ATP9B: variants seen among roughly 807,000 people sequenced by gnomAD.
ATP9B encodes the protein ATPase phospholipid transporting 9B, also known as probable phospholipid-transporting ATPase IIB.
Under a neutral mutation model 146.1 loss-of-function variants are expected in ATP9B, and 110 were observed. That is an observed-to-expected ratio of 0.75 (90% CI 0.65 to 0.88). The LOEUF (loss-of-function observed/expected upper bound fraction) is 0.88, where lower values mean the gene tolerates loss of function less well. Among genes scored for constraint, ATP9B ranks in the 40% least tolerant of loss-of-function variants. ATP9B has a pLI of 0.00. For synonymous variants in ATP9B, 604 were observed against 569.7 expected (o/e 1.06, Z -0.86); for missense variants, 1,499 against 1,496.4 (o/e 1.00, Z -0.03).
chr18:79,344,450 G>A, intron 21 of ATP9B, 96 bp downstream of exon 21: 2 of 1,055,928 alleles, frequency 1.9e-6, no homozygotes, highest in Non-Finnish European at 2.9e-6. Context: ...GGCAAGGCTG[G>A]ACCCTGAGTG....
chr18:79,246,693 T>TCGCGCTCCCCCTGCTGGCCGCGCCC (rs1334792731), intron 11 of ATP9B, among the ~76,000 whole-genome samples: 6 of 152,210 alleles, frequency 3.9e-5, no homozygotes, highest in Non-Finnish European at 1.5e-5. Flanking sequence ...CGCGCCGGCC[T>TCGCGCTCCCCCTGCTGGCCGCGCCC]CGCGCTCCCC....
At position 79,096,531 on chromosome 18, in the gene ATP9B, G is replaced by A. The variant is rs1192118031; in HGVS notation, c.175G>A (p.Glu59Lys). The A allele has an allele frequency of 6.2e-7, 1 of 1,614,060 alleles. No individual in the cohort carries two copies. The change falls in exon 2 of 30, where the codon GAA becomes AAA. Residue 59 changes from glutamate to lysine, a missense_variant. Coordinates refer to ENST00000426216, the MANE Select transcript of ATP9B (RefSeq NM_198531.5). ...HLDEMPLMMSEEGFENEESDY... is the reference protein window; with the variant it reads ...HLDEMPLMMSKEGFENEESDY... ...GGATGAAATGCCACTAATGATGTCT[G>A]AAGAAGGCTTTGAGAATGAGGAAAG...
At chr18:79,248,371 A>G (rs1045799958) in intron 11 of ATP9B, among the ~76,000 whole-genome samples, 8 of 152,154 alleles carry the variant, frequency 5.3e-5, no homozygotes, top group Non-Finnish European at 1.2e-4. Context: ...AAAATTACTT[A>G]TTTTTTTCTT....
intron 11 of ATP9B, among the ~76,000 whole-genome samples, chr18:79,230,162 A>G (rs964064960): frequency 6.6e-6 from 1 of 152,232 alleles, no homozygotes; most frequent in Non-Finnish European, 1.5e-5. Flanking sequence ...TAACACCGTA[A>G]TATTAGTTTT....
chr18:79,335,908 C>T (rs2147232829), intron 17 of ATP9B, among the ~76,000 whole-genome samples: 1 of 152,280 alleles, frequency 6.6e-6, no homozygotes, highest in African/African-American at 2.4e-5. Flanking sequence ...GGTTTCCGGC[C>T]CAGCCACCTG....
intron 9 of ATP9B, among the ~76,000 whole-genome samples, chr18:79,195,675 G>A (rs1002628498): frequency 3.3e-5 from 5 of 152,148 alleles, no homozygotes; most frequent in Non-Finnish European, 7.4e-5. Context: ...ACAGGATAAC[G>A]TGAATGAGAA....
At chr18:79,373,033 A>G in intron 27 of ATP9B, 151 bp downstream of exon 27, 1 of 548,758 alleles carries the variant, frequency 1.8e-6, no homozygotes. Context: ...GTAAATCAAT[A>G]TTCCAGCAAC....
chr18:79,083,949 C>T lies in ATP9B; in HGVS notation c.120-12527C>T, dbSNP rs538510830. ...GCCATCTTGGCTCACTGCAGCCTCTCCTGGCTTCAAGCGACTCCCCTACCT... is the reference window on the plus strand; with the variant it reads ...GCCATCTTGGCTCACTGCAGCCTCTTCTGGCTTCAAGCGACTCCCCTACCT... On this transcript the variant is annotated intron_variant, in intron 1 of 29. Coordinates refer to ENST00000426216, the MANE Select transcript of ATP9B (RefSeq NM_198531.5). 1.3e-4 allele frequency among the ~76,000 whole-genome samples: 20 copies of T among 151,042 alleles called. No individual in the cohort carries two copies. The East Asian group carries it at 3.5e-3, about 27-fold the overall frequency.
rs1270092670 is a variant in ATP9B, at chr18:79,307,134, A to G, written c.1673A>G (p.Tyr558Cys). The change falls in exon 15 of 30, where the codon TAT (tyrosine) becomes TGT (cysteine). Residue 558 changes from tyrosine (Y) to cysteine (C), a missense_variant. Tyr to Cys is a radical substitution (Grantham distance 194). Coordinates refer to ENST00000426216, the MANE Select transcript of ATP9B (RefSeq NM_198531.5). ...CTGTGTCACAACGTGACCCCCGTGT[A>G]TGAGTCTCGGGCCGGCGTTACTGAG... ...IVLCHNVTPV[Y>C]ESRAGVTEET... 3.7e-6 allele frequency: 6 copies of G among 1,614,100 alleles called. No homozygotes were observed. The African/African-American group carries it at 6.7e-5, about 18-fold the overall frequency.
intron 12 of ATP9B, among the ~76,000 whole-genome samples, chr18:79,276,724 T>C (rs576637122): frequency 3.9e-5 from 6 of 152,262 alleles, no homozygotes; most frequent in Non-Finnish European, 8.8e-5. Flanking sequence ...CCTACAAATA[T>C]TATCTTGGGT....
intron 2 of ATP9B, among the ~76,000 whole-genome samples, chr18:79,109,851 C>G (rs1037256070): frequency 6.6e-6 from 1 of 152,130 alleles, no homozygotes; most frequent in Non-Finnish European, 1.5e-5. Flanking sequence ...CCGATGTGAG[C>G]CACCACGCCT....
At chr18:79,286,254 G>GGAAT (rs1349997369) in intron 13 of ATP9B, among the ~76,000 whole-genome samples, 2 of 152,078 alleles carry the variant, frequency 1.3e-5, no homozygotes, top group Non-Finnish European at 2.9e-5. Context: ...CCATGAGCAT[G>GGAAT]GAATGTTCTT....
intron 12 of ATP9B, chr18:79,254,856 C>T (rs1019039112): frequency 1.5e-4 from 23 of 152,486 alleles, no homozygotes; most frequent in African/African-American, 5.3e-4. Flanking sequence ...TACCTTTCCT[C>T]AGAGAGGCTG....
At chr18:79,265,916 A>G (rs1341891792) in intron 12 of ATP9B, among the ~76,000 whole-genome samples, 1 of 152,118 alleles carries the variant, frequency 6.6e-6, no homozygotes, top group Non-Finnish European at 1.5e-5. Context: ...GTTTTTGTAT[A>G]TGGTGTAAAG....
chr18:79,069,545 C>G lies in ATP9B; in HGVS notation c.119+16C>G, dbSNP rs549426572. On this transcript the variant is annotated intron_variant, in intron 1 of 29. Coordinates refer to ENST00000426216, the MANE Select transcript of ATP9B (RefSeq NM_198531.5). ...GGCACAGCAGGTAACCGAGGCGGCA[C>G]TGGCCCCGTTCCCCGCCGACGCTCC... is the stretch of plus-strand genomic sequence containing the variant. 14 of 1,317,810 alleles carry G rather than the reference C, an allele frequency of 1.1e-5. No individual in the cohort carries two copies. The East Asian group carries it at 3.8e-4, about 36-fold the overall frequency. The allele number at this position is 1,317,810 out of a possible 1,614,324, so 81.6% of individuals were successfully genotyped here.
At chr18:79,367,499 C>T (rs1481720247) in intron 26 of ATP9B, among the ~76,000 whole-genome samples, 4 of 144,240 alleles carry the variant, frequency 2.8e-5, no homozygotes, top group African/African-American at 5.3e-5. Context: ...ACTGTGTGTA[C>T]GCAGAGAAAG....
At chr18:79,145,995 C>T (rs577099814) in intron 6 of ATP9B, 4 of 118,152 alleles carry the variant, frequency 3.4e-5, no homozygotes, top group African/African-American at 1.4e-4. Context: ...GGGGAGCTGC[C>T]GGTGTGGAGA....
chr18:79,088,209 GT>G (rs2074006028), intron 1 of ATP9B, among the ~76,000 whole-genome samples: 1 of 152,188 alleles, frequency 6.6e-6, no homozygotes, highest in Non-Finnish European at 1.5e-5. Context: ...GTTGTGCTGC[GT>G]TTCCCGCATT....
chr18:79,094,527 C>T (rs1020750711), intron 1 of ATP9B, among the ~76,000 whole-genome samples: 3 of 152,146 alleles, frequency 2.0e-5, no homozygotes, highest in Non-Finnish European at 4.4e-5. Flanking sequence ...TCCAGGAGCC[C>T]ATCTTCCTGT....
Sources: gnomAD v4.1 joint callset for allele counts (sites outside exome capture counted in the v4.1 genomes callset) on GRCh38, gnomAD v4.1.1 for gene constraint, MANE v1.5 for transcripts, NCBI Gene and HGNC (gene_info 2026-07-23, HGNC 2026-07-21) for gene names.